Variants in GALNT18 observed in about 807,000 individuals in gnomAD.
GALNT18 encodes the protein GalNAc-transferase 18.
GALNT18 carries 44 observed loss-of-function variants against 69.5 expected under a neutral mutation model. The ratio of observed to expected loss-of-function variants is 0.63; its 90% CI spans 0.50 to 0.81. The LOEUF (loss-of-function observed/expected upper bound fraction) is 0.81, where lower values mean the gene tolerates loss of function less well. Ranked by LOEUF, GALNT18 falls within the 40% of genes least tolerant of loss-of-function variation. The probability of loss-of-function intolerance (pLI) is 0.00; values close to 1 mark genes in which losing one functional copy is unlikely to be tolerated. For missense variants in GALNT18, 715 were observed against 810.0 expected, an observed-to-expected ratio of 0.88 and a Z score of 1.42; for synonymous variants, 364 against 318.2, an observed-to-expected ratio of 1.14 and a Z score of -1.53.
chr11:11,449,468 A>C (rs1314219617), intron 1 of GALNT18, among the ~76,000 whole-genome samples: 1 of 152,166 alleles, frequency 6.6e-6, no homozygotes, highest in Non-Finnish European at 1.5e-5. Flanking sequence ...CCTGGCTGTC[A>C]GCACCCCGGC....
chr11:11,530,483 C>T (rs1256920321), intron 1 of GALNT18, among the ~76,000 whole-genome samples: 5 of 152,174 alleles, frequency 3.3e-5, no homozygotes, highest in Admixed American at 1.3e-4. Context: ...AGGACAGGCC[C>T]GTGAGCTTTG....
intron 1 of GALNT18, among the ~76,000 whole-genome samples, chr11:11,599,509 C>A (rs1859582773): frequency 6.6e-6 from 1 of 151,994 alleles, no homozygotes; most frequent in Non-Finnish European, 1.5e-5. Context: ...AGTGTGTCTC[C>A]TGTAGACAGT....
chr11:11,295,231 G>A (rs976289804), intron 9 of GALNT18, among the ~76,000 whole-genome samples: 9 of 152,072 alleles, frequency 5.9e-5, no homozygotes, highest in East Asian at 1.9e-4. Flanking sequence ...GTTCCCTTTC[G>A]CCAGTGTATC....
At chr11:11,381,614 C>T (rs892630097) in intron 3 of GALNT18, among the ~76,000 whole-genome samples, 6 of 152,272 alleles carry the variant, frequency 3.9e-5, no homozygotes, top group Admixed American at 3.9e-4. Context: ...GCAAGAGGGA[C>T]CCTGCGCAAG....
At chr11:11,512,817 A>G (rs1857190734) in intron 1 of GALNT18, among the ~76,000 whole-genome samples, 1 of 152,200 alleles carries the variant, frequency 6.6e-6, no homozygotes. Context: ...GGACACCAGG[A>G]CACACGGGTG....
At chr11:11,490,906 T>A (rs927474139) in intron 1 of GALNT18, among the ~76,000 whole-genome samples, 2 of 152,172 alleles carry the variant, frequency 1.3e-5, no homozygotes, top group African/African-American at 4.8e-5. Flanking sequence ...AAATGCACTA[T>A]TATTCTGGCA....
intron 1 of GALNT18, among the ~76,000 whole-genome samples, chr11:11,485,875 C>T (rs1856633363): frequency 6.6e-6 from 1 of 152,182 alleles, no homozygotes; most frequent in Non-Finnish European, 1.5e-5. Context: ...GCTTTCAGAA[C>T]TTGGAGGCTT....
chr11:11,554,498 G>A (rs1277798256), intron 1 of GALNT18, among the ~76,000 whole-genome samples: 1 of 151,958 alleles, frequency 6.6e-6, no homozygotes, highest in Non-Finnish European at 1.5e-5. Context: ...GAGGGGGAGG[G>A]ATGGGGAGCT....
At chr11:11,290,052 C>T (rs1849269882) in intron 10 of GALNT18, among the ~76,000 whole-genome samples, 1 of 152,174 alleles carries the variant, frequency 6.6e-6, no homozygotes, top group Non-Finnish European at 1.5e-5. Context: ...CCAGGGGCTA[C>T]TCCAAGACAG....
chr11:11,406,272 A>G (rs1371643600), intron 3 of GALNT18, among the ~76,000 whole-genome samples: 1 of 152,180 alleles, frequency 6.6e-6, no homozygotes, highest in Non-Finnish European at 1.5e-5. Flanking sequence ...CTCCTTTGGT[A>G]GGTAGGAGGA....
Position 11,369,419 on chromosome 11 carries a change from G to A in GALNT18, c.1092+3096C>T, listed in dbSNP as rs148229938. On this transcript the variant is annotated intron_variant, in intron 6 of 10. Coordinates refer to ENST00000227756, the MANE Select transcript of GALNT18 (RefSeq NM_198516.3). Reference sequence around the variant, plus strand: ...TCTCTACCTCCACCTTCTCATGGCTGTCTTTCCTTTACGTCTTCCTGTGAC... The same window carrying A: ...TCTCTACCTCCACCTTCTCATGGCTATCTTTCCTTTACGTCTTCCTGTGAC... Among the ~76,000 whole-genome samples the A allele has an allele frequency of 5.8e-4, 88 of 152,304 alleles. 3 individuals are homozygous for A. The East Asian group carries it at 0.016, about 27-fold the overall frequency.
intron 3 of GALNT18, among the ~76,000 whole-genome samples, chr11:11,423,169 C>T (rs1195423599): frequency 6.6e-6 from 1 of 152,176 alleles, no homozygotes; most frequent in African/African-American, 2.4e-5. Flanking sequence ...TTAACACATA[C>T]ATGTGTGCAC....
chr11:11,443,171 T>TG (rs1333444715), intron 2 of GALNT18, among the ~76,000 whole-genome samples: 2 of 152,190 alleles, frequency 1.3e-5, no homozygotes, highest in Non-Finnish European at 2.9e-5. Context: ...TCCACCTGCC[T>TG]GGCCCGGCTG....
At chr11:11,295,615 T>C (rs568039264) in intron 9 of GALNT18, among the ~76,000 whole-genome samples, 1 of 152,160 alleles carries the variant, frequency 6.6e-6, no homozygotes, top group Non-Finnish European at 1.5e-5. Flanking sequence ...AAATGTTCCA[T>C]AACGTCAGCC....
chr11:11,394,774 C>G (rs1425309402), intron 3 of GALNT18, among the ~76,000 whole-genome samples: 2 of 152,216 alleles, frequency 1.3e-5, no homozygotes, highest in African/African-American at 4.8e-5. Context: ...CAGGCGGGGT[C>G]TGGTCCTCTG....
At chr11:11,321,500 T>C (rs993284167) in intron 9 of GALNT18, among the ~76,000 whole-genome samples, 1 of 152,238 alleles carries the variant, frequency 6.6e-6, no homozygotes. Flanking sequence ...GACAAACCCT[T>C]GAACTCAGGC....
intron 3 of GALNT18, among the ~76,000 whole-genome samples, chr11:11,412,353 A>G (rs1854750551): frequency 6.6e-6 from 1 of 152,160 alleles, no homozygotes; most frequent in African/African-American, 2.4e-5. Context: ...GGTCCCCCAG[A>G]CCTGGTTTGG....
At position 11,497,009 on chromosome 11, in the gene GALNT18, A is replaced by T. The variant is rs1048277729; in HGVS notation, c.236-48073T>A. Among the ~76,000 whole-genome samples, 2 of 152,126 alleles carry T rather than the reference A, an allele frequency of 1.3e-5. No individual in the cohort carries two copies. The highest frequency in any genetic ancestry group is 2.9e-5 in the Non-Finnish European group (2 of 68,028). ...TCCAAGGGCCTCATCGGTCCTGCTC[A>T]TCCCATCCTTCTCTTGCTCACTCTG... On this transcript the variant is annotated intron_variant, in intron 1 of 10. Transcript: ENST00000227756. The surrounding 1 kb of genome is among the most constrained non-coding windows in gnomAD (Gnocchi z 4.2).
At position 11,470,559 on chromosome 11, in the gene GALNT18, T is replaced by C. The variant is rs1175351905; in HGVS notation, c.236-21623A>G. Among the ~76,000 whole-genome samples, 8 of 152,342 alleles carry C rather than the reference T, an allele frequency of 5.3e-5. No homozygotes were observed. The highest frequency in any genetic ancestry group is 1.7e-4 in the African/African-American group (7 of 41,584). On this transcript the variant is annotated intron_variant, in intron 1 of 10. Transcript: ENST00000227756. The surrounding 1 kb of genome is among the most constrained non-coding windows in gnomAD (Gnocchi z 4.8). ...GGCTTGGGGATAGTGATAGGATGACTAATCGCTAGCTAATTTTGATCTTTT... is the reference window on the plus strand; with the variant it reads ...GGCTTGGGGATAGTGATAGGATGACCAATCGCTAGCTAATTTTGATCTTTT...
Sources: gnomAD v4.1 joint callset for allele counts (sites outside exome capture counted in the v4.1 genomes callset) on GRCh38, gnomAD v4.1.1 for gene constraint, Gnocchi (gnomAD v3.1) non-coding constraint, MANE v1.5 for transcripts, NCBI Gene and HGNC (gene_info 2026-07-23, HGNC 2026-07-21) for gene names.